USP38: variants seen among roughly 807,000 people sequenced by gnomAD.
The protein encoded by USP38 is ubiquitin carboxyl-terminal hydrolase 38.
USP38 carries 49 observed loss-of-function variants against 94.3 expected under a neutral mutation model. The ratio of observed to expected loss-of-function variants is 0.52; its 90% CI spans 0.41 to 0.66. The LOEUF (loss-of-function observed/expected upper bound fraction) is 0.66. USP38 is among the 30% of genes least tolerant of loss of function. The probability of loss-of-function intolerance (pLI) is 0.00; values close to 1 mark genes in which losing one functional copy is unlikely to be tolerated. For synonymous variants in USP38, 468 were observed against 463.6 expected, an observed-to-expected ratio of 1.01 and a Z score of -0.12; for missense variants, 1,128 against 1,229.4, an observed-to-expected ratio of 0.92 and a Z score of 1.23.
At position 143,197,937 on chromosome 4, in the gene USP38, A is replaced by G. The variant is rs761018001; in HGVS notation, c.1050+13A>G. 3.8e-6 allele frequency: 6 copies of G among 1,570,144 alleles called. No individual in the cohort carries two copies. The highest frequency in any genetic ancestry group is 5.2e-6 in the Non-Finnish European group (6 of 1,152,810). On this transcript the variant is annotated intron_variant, in intron 4 of 9. Transcript: ENST00000307017. ...GGCGTTCCATTTGGTAAGTTATGAC[A>G]TAAACGTTCTACTTTGAAAAAGCCT...
Position 143,220,651 on chromosome 4 carries a change from T to A in USP38, c.*195T>A. 1.9e-6 allele frequency: 1 copy of A among 530,668 alleles called. No homozygotes were observed. The highest frequency in any genetic ancestry group is 2.8e-6 in the Non-Finnish European group (1 of 351,904). 32.9% of individuals were successfully genotyped at this position (530,668 alleles called of 1,614,324 possible). On this transcript the variant is annotated 3_prime_UTR_variant, in exon 10 of 10. Transcript: ENST00000307017. The stretch of plus-strand genomic sequence containing the variant: ...ATCATGGAAAAAAAAATCTACCTCT[T>A]AAAATTCCATTTGCTTTTATGGTTA...
intron 2 of USP38, among the ~76,000 whole-genome samples, chr4:143,194,803 T>A (rs1403274242): frequency 1.3e-5 from 2 of 152,142 alleles, no homozygotes; most frequent in African/African-American, 4.8e-5. Flanking sequence ...CCACTGCATC[T>A]GACTTTCAGC....
intron 7 of USP38, among the ~76,000 whole-genome samples, chr4:143,211,528 A>G (rs1473893385): frequency 6.6e-6 from 1 of 152,184 alleles, no homozygotes; most frequent in Non-Finnish European, 1.5e-5. Context: ...ATGTAGGCTA[A>G]ACTTCCTTCC....
At chr4:143,212,485 T>G in intron 8 of USP38, 61 bp downstream of exon 8, 1 of 1,064,760 alleles carries the variant, frequency 9.4e-7, no homozygotes, top group Admixed American at 2.6e-5. Flanking sequence ...TTAATTCTAC[T>G]TAATATTGCT....
rs934983886 is a variant in USP38 at position 143,185,799 on chromosome 4, T to C, written c.349T>C (p.Cys117Arg). ...IHNGLKLIMS[C>R]PSVLDLFSLL... The stretch of plus-strand genomic sequence containing the variant: ...CAACGGCCTGAAGCTGATTATGAGC[T>C]GTCCGTCGGTGCTGGATCTCTTTAG... The change falls in exon 1 of 10, where the codon TGT becomes CGT. Residue 117 changes from cysteine to arginine, a missense_variant. Cys to Arg is a radical substitution (Grantham distance 180). Coordinates refer to ENST00000307017, the MANE Select transcript of USP38 (RefSeq NM_032557.6). 8 of 1,614,232 alleles carry C rather than the reference T, an allele frequency of 5.0e-6. No homozygotes were observed. Among genetic ancestry groups the C allele is most frequent in the Non-Finnish European group, 6.8e-6 (8 of 1,180,032 alleles).
At chr4:143,187,366 C>G (rs943582826) in intron 1 of USP38, among the ~76,000 whole-genome samples, 15 of 151,906 alleles carry the variant, frequency 9.9e-5, no homozygotes, top group Non-Finnish European at 1.6e-4. Context: ...CCAAAAGTCA[C>G]CTTCATTTCT....
At position 143,187,886 on chromosome 4, in the gene USP38, T is replaced by C; in HGVS notation, c.743T>C (p.Met248Thr). 1 of 1,613,836 alleles carries C rather than the reference T, an allele frequency of 6.2e-7. No homozygotes were observed. The highest frequency in any genetic ancestry group is 8.5e-7 in the Non-Finnish European group (1 of 1,179,802). The change falls in exon 2 of 10, where the codon ATG becomes ACG. Residue 248 changes from methionine (M) to threonine (T), a missense_variant. Coordinates refer to ENST00000307017, the MANE Select transcript of USP38 (RefSeq NM_032557.6). The part of the protein sequence containing the change: ...ASLVQHIPLQ[M>T]ITVLIRSLTT... ...CTTGTGCAGCATATTCCTCTTCAGA[T>C]GATTACAGTTCTCATCAGGAGCCTT... is the stretch of plus-strand genomic sequence containing the variant.
chr4:143,191,025 A>G (rs1191554115), intron 2 of USP38, among the ~76,000 whole-genome samples: 1 of 151,934 alleles, frequency 6.6e-6, no homozygotes, highest in South Asian at 2.1e-4. Context: ...CAGTTTTTGT[A>G]TTACATTTCC....
chr4:143,193,747 A>G (rs1482686382), intron 2 of USP38, among the ~76,000 whole-genome samples: 1 of 152,280 alleles, frequency 6.6e-6, no homozygotes, highest in Non-Finnish European at 1.5e-5. Context: ...TAATGTAGAT[A>G]GTTATATAAC....
intron 6 of USP38, among the ~76,000 whole-genome samples, chr4:143,208,496 C>T (rs1581165298): frequency 6.6e-6 from 1 of 152,084 alleles, no homozygotes; most frequent in South Asian, 2.1e-4. Flanking sequence ...GTACCTTTAG[C>T]AACAAATCAG....
At chr4:143,210,626 T>A (rs1731998997) in intron 7 of USP38, among the ~76,000 whole-genome samples, 1 of 151,724 alleles carries the variant, frequency 6.6e-6, no homozygotes, top group Admixed American at 6.6e-5. Flanking sequence ...GAACTTTTAG[T>A]TTAGATTTTG....
intron 2 of USP38, 109 bp downstream of exon 2, chr4:143,188,070 G>C (rs1731280938): frequency 1.6e-6 from 2 of 1,276,120 alleles, no homozygotes; most frequent in Non-Finnish European, 2.1e-6. Flanking sequence ...TAAAATCATG[G>C]AATGACATAT....
chr4:143,212,220 G>A (rs562893754), intron 7 of USP38, 98 bp from the exon 8 acceptor site: 2 of 936,164 alleles, frequency 2.1e-6, no homozygotes, highest in Non-Finnish European at 3.0e-6. Context: ...AATGTTAACT[G>A]TAAATAACCT....
At chr4:143,192,728 C>T (rs555250822) in intron 2 of USP38, among the ~76,000 whole-genome samples, 1 of 152,110 alleles carries the variant, frequency 6.6e-6, no homozygotes, top group East Asian at 1.9e-4. Flanking sequence ...CTCTTAATGC[C>T]AACACACTGG....
chr4:143,211,406 G>A (rs1471786820), intron 7 of USP38, among the ~76,000 whole-genome samples: 1 of 151,878 alleles, frequency 6.6e-6, no homozygotes, highest in Non-Finnish European at 1.5e-5. Flanking sequence ...AGGTAATAAG[G>A]TATATCCCCA....
intron 2 of USP38, among the ~76,000 whole-genome samples, chr4:143,188,525 C>T (rs2149603462): frequency 6.6e-6 from 1 of 152,204 alleles, no homozygotes; most frequent in South Asian, 2.1e-4. Context: ...AGCTGTCAAT[C>T]TGACTGTCAT....
Position 143,185,199 on chromosome 4 carries a change from A to C in USP38, c.-252A>C. On this transcript the variant is annotated 5_prime_UTR_variant, in exon 1 of 10. Transcript: ENST00000307017. ...CGAGGGCCCGGGGCGGCGGCGGAGT[A>C]CGGGCCTCTGGCGCCTTAGGCCAGC... The C allele has an allele frequency of 2.4e-6, 1 of 423,224 alleles. No homozygotes were observed. The highest frequency in any genetic ancestry group is 4.2e-6 in the Non-Finnish European group (1 of 238,360). The allele number at this position is 423,224 out of a possible 1,614,324, so 26.2% of individuals were successfully genotyped here.
intron 3 of USP38, 100 bp from the exon 4 acceptor site, chr4:143,197,723 G>A (rs147637039): frequency 2.4e-4 from 177 of 737,804 alleles, no homozygotes; most frequent in African/African-American, 2.2e-3. Flanking sequence ...CCAGAAGGGG[G>A]ACATTCATAT....
chr4:143,191,735 A>G (rs1240578131), intron 2 of USP38, among the ~76,000 whole-genome samples: 3 of 152,242 alleles, frequency 2.0e-5, no homozygotes, highest in Non-Finnish European at 4.4e-5. Context: ...ACTGCTCTCA[A>G]GCTCACAGTC....
Sources: allele counts gnomAD v4.1 joint callset (sites outside exome capture counted in the v4.1 genomes callset), GRCh38; gene constraint gnomAD v4.1.1; transcripts MANE v1.5; gene names NCBI Gene and HGNC (gene_info 2026-07-23, HGNC 2026-07-21).